SLC6A19: variants seen among roughly 807,000 people sequenced by gnomAD.
The protein encoded by SLC6A19 is sodium-dependent neutral amino acid transporter B(0)AT1.
In SLC6A19, 67 loss-of-function variants were observed where a neutral mutation model predicts 68.3. The ratio of observed to expected loss-of-function variants is 0.98; its 90% CI spans 0.81 to 1.20. The LOEUF (loss-of-function observed/expected upper bound fraction) is 1.20, where lower values mean the gene tolerates loss of function less well. Among genes scored for constraint, SLC6A19 ranks in the 50% most tolerant of loss-of-function variants. The pLI is 0.00. For synonymous variants in SLC6A19, 392 were observed against 374.9 expected (o/e 1.05, Z -0.53); for missense variants, 813 against 851.6 (o/e 0.95, Z 0.56).
chr5:1,222,384 T>G lies in SLC6A19; in HGVS notation c.*480T>G. 1 of 459,808 alleles carries G rather than the reference T, an allele frequency of 2.2e-6. No individual in the cohort carries two copies. Among genetic ancestry groups the G allele is most frequent in the Non-Finnish European group, 3.8e-6 (1 of 262,680 alleles). The allele number at this position is 459,808 out of a possible 1,614,324, so 28.5% of individuals were successfully genotyped here. A position where few individuals can be genotyped will look rare whatever the true frequency, so the allele number is the denominator to read the frequency against. On this transcript the variant is annotated 3_prime_UTR_variant, in exon 12 of 12. Transcript: ENST00000304460. ...TGTGCTCGTACAATGGGTGTCCACA[T>G]GCACGTGTATATGTATATCTGTGAG...
At chr5:1,213,925 A>T (rs759616353) in intron 5 of SLC6A19, 28 bp from the exon 6 acceptor site, 39 of 1,611,356 alleles carry the variant, frequency 2.4e-5, no homozygotes, top group Non-Finnish European at 3.3e-5. Flanking sequence ...CTGCACCATG[A>T]GTGGCTGAGG....
chr5:1,206,585 G>C (rs904148740), intron 1 of SLC6A19, among the ~76,000 whole-genome samples: 1 of 152,164 alleles, frequency 6.6e-6, no homozygotes, highest in Non-Finnish European at 1.5e-5. Context: ...AAGAGATTTG[G>C]TGGGAGAAGG....
At chr5:1,206,066 G>A (rs1745842213) in intron 1 of SLC6A19, among the ~76,000 whole-genome samples, 1 of 152,224 alleles carries the variant, frequency 6.6e-6, no homozygotes, top group African/African-American at 2.4e-5. Flanking sequence ...GGATAGAGGT[G>A]CTGGGCTCCA....
intron 1 of SLC6A19, among the ~76,000 whole-genome samples, chr5:1,207,047 G>A (rs186681627): frequency 2.8e-4 from 43 of 152,330 alleles, no homozygotes; most frequent in African/African-American, 5.1e-4. Flanking sequence ...CTGCTTCCGC[G>A]TCCCCATAGC....
At chr5:1,208,002 T>C (rs970817370) in intron 1 of SLC6A19, among the ~76,000 whole-genome samples, 1 of 152,224 alleles carries the variant, frequency 6.6e-6, no homozygotes, top group Non-Finnish European at 1.5e-5. Context: ...AGCAGAAATG[T>C]CTCAACGTGG....
chr5:1,210,458 C>T lies in SLC6A19; in HGVS notation c.358C>T (p.Leu120Phe), dbSNP rs1263417849. ...CCTCCCTGCAGGCCTGGCCTCCATG[C>T]TCACGTCCTTCATGGTGGGACTGTA... is the stretch of plus-strand genomic sequence containing the variant. ...ALKGLGLASM[L>F]TSFMVGLYYN... is the part of the protein sequence containing the mutation. Residue 120 changes from leucine to phenylalanine, a missense_variant, in exon 3 of 12, where the codon CTC (leucine) becomes TTC (phenylalanine). Coordinates refer to ENST00000304460, the MANE Select transcript of SLC6A19 (RefSeq NM_001003841.3). 1.9e-6 allele frequency: 3 copies of T among 1,613,154 alleles called. No individual in the cohort carries two copies. Among genetic ancestry groups the T allele is most frequent in the African/African-American group, 1.3e-5 (1 of 74,942 alleles).
intron 8 of SLC6A19, among the ~76,000 whole-genome samples, chr5:1,218,588 C>G (rs1047185089): frequency 6.6e-6 from 1 of 152,220 alleles, no homozygotes. Context: ...ACCTTGGGTA[C>G]GTGGCTCAGC....
chr5:1,210,814 G>T (rs191683385), intron 3 of SLC6A19, among the ~76,000 whole-genome samples: 1 of 152,316 alleles, frequency 6.6e-6, no homozygotes, highest in Non-Finnish European at 1.5e-5. Flanking sequence ...AGCCCGGGGG[G>T]GCTGTGCCTG....
rs548582063 is a variant in SLC6A19 at position 1,215,223 on chromosome 5, G to A, written c.887+1158G>A. On this transcript the variant is annotated intron_variant, in intron 6 of 11. Transcript: ENST00000304460. The surrounding 1 kb of genome is among the most constrained non-coding windows in gnomAD (Gnocchi z 5.1). Reference sequence around the variant, plus strand: ...CGTGGAGTGGCTGAGGTGGAACTGAGGGTGAATTATTTTTATAACAGCTTT... The same window carrying A: ...CGTGGAGTGGCTGAGGTGGAACTGAAGGTGAATTATTTTTATAACAGCTTT... 6.6e-6 allele frequency among the ~76,000 whole-genome samples: 1 copy of A among 152,236 alleles called. No individual in the cohort carries two copies. The highest frequency in any genetic ancestry group is 2.1e-4 in the South Asian group (1 of 4,828).
rs113209892 is a variant in SLC6A19 at position 1,223,887 on chromosome 5, C to A, written c.*1983C>A. On this transcript the variant is annotated 3_prime_UTR_variant, in exon 12 of 12. Transcript: ENST00000304460. ...CCAGCAGTGACTGCACACACTGAGT[C>A]CCCTACCAGCCCCTTTCACCCTGCT... 2 of 152,378 alleles carry A rather than the reference C, an allele frequency of 1.3e-5. No homozygotes were observed. The highest frequency in any genetic ancestry group is 4.8e-5 in the African/African-American group (2 of 41,456). 9.4% of individuals were successfully genotyped at this position (152,378 alleles called of 1,614,324 possible).
In SLC6A19 at chr5:1,201,774, A is replaced by T; in HGVS notation, c.124A>T (p.Met42Leu). 6.2e-7 allele frequency: 1 copy of T among 1,612,794 alleles called. No homozygotes were observed. Among genetic ancestry groups the T allele is most frequent in the Non-Finnish European group, 8.5e-7 (1 of 1,179,908 alleles). The change falls in exon 1 of 12, where the codon ATG (methionine) becomes TTG (leucine). Residue 42 changes from methionine to leucine, a missense_variant. Transcript: ENST00000304460. ...GAAGTGGGACAACAAGGCGCAGTAC[A>T]TGCTCACCTGCCTGGGCTTCTGCGT... is the stretch of plus-strand genomic sequence containing the variant. ...RPKWDNKAQY[M>L]LTCLGFCVGL...
chr5:1,219,689 G>A, intron 10 of SLC6A19, 25 bp downstream of exon 10: 2 of 1,601,126 alleles, frequency 1.2e-6, no homozygotes, highest in Non-Finnish European at 1.7e-6. Flanking sequence ...GGGGACAGGT[G>A]CCTCTAATGC....
Position 1,214,206 on chromosome 5 carries a change from C to T in SLC6A19, c.887+141C>T, listed in dbSNP as rs540291596. 120 of 1,482,296 alleles carry T rather than the reference C, an allele frequency of 8.1e-5. No homozygotes were observed. Among genetic ancestry groups the T allele is most frequent in the East Asian group, 2.5e-4 (10 of 40,538 alleles). The allele number at this position is 1,482,296 out of a possible 1,614,324, so 91.8% of individuals were successfully genotyped here. Reference sequence around the variant, plus strand: ...CCCGATGGGCCCGTTCCCTCCTGCTCGGGGTCCATGTGAGCTGAGTCTAGA... The same window carrying T: ...CCCGATGGGCCCGTTCCCTCCTGCTTGGGGTCCATGTGAGCTGAGTCTAGA... On this transcript the variant is annotated intron_variant, in intron 6 of 11. Coordinates refer to ENST00000304460, the MANE Select transcript of SLC6A19 (RefSeq NM_001003841.3). This position sits in a 1 kb window ranked among gnomAD's most constrained non-coding sequence, Gnocchi z 7.4.
At chr5:1,213,004 G>C (rs568323996) in intron 4 of SLC6A19, among the ~76,000 whole-genome samples, 1,197 of 93,352 alleles carry the variant, frequency 0.013, 10 homozygotes, top group African/African-American at 0.051. Context: ...AAATACCCAG[G>C]CTCCCGCAGG....
rs764660807 is a variant in SLC6A19, at chr5:1,221,154, C to A, written c.1542C>A (p.Phe514Leu). ...SVVYVYGVDR[F>L]NKDIEFMIGH... ...CAGCTGTCTCTGGCCTTGGCAGGTT[C>A]AATAAGGACATCGAGTTCATGATCG... Residue 514 changes from phenylalanine (F) to leucine (L), a missense_variant, in exon 11 of 12, where the codon TTC becomes TTA. By Grantham distance (22) the Phe-to-Leu change is conservative. Transcript: ENST00000304460. 1 of 1,613,472 alleles carries A rather than the reference C, an allele frequency of 6.2e-7. No individual in the cohort carries two copies. Among genetic ancestry groups the A allele is most frequent in the Non-Finnish European group, 8.5e-7 (1 of 1,179,794 alleles).
chr5:1,213,835 G>A lies in SLC6A19; in HGVS notation c.775-118G>A, dbSNP rs376756616. The A allele has an allele frequency of 9.8e-4, 1,502 of 1,528,766 alleles. 21 individuals are homozygous for A. In the South Asian group the frequency reaches 0.016, roughly 16 times the overall value. The allele number at this position is 1,528,766 out of a possible 1,614,324, so 94.7% of individuals were successfully genotyped here. A position where few individuals can be genotyped will look rare whatever the true frequency, so the allele number is the denominator to read the frequency against. ...CATAGCTGCCACCCCAGGGGGCCCTGGCCTGTCCTGACCACCCCAATAGCC... is the reference window on the plus strand; with the variant it reads ...CATAGCTGCCACCCCAGGGGGCCCTAGCCTGTCCTGACCACCCCAATAGCC... On this transcript the variant is annotated intron_variant, in intron 5 of 11. Coordinates refer to ENST00000304460, the MANE Select transcript of SLC6A19 (RefSeq NM_001003841.3).
chr5:1,221,080 A>G (rs1157678997), intron 10 of SLC6A19, 71 bp from the exon 11 acceptor site: 3 of 1,563,188 alleles, frequency 1.9e-6, no homozygotes, highest in Admixed American at 3.7e-5. Flanking sequence ...CGGGTAGCAG[A>G]ACGTACAGAA....
Position 1,221,186 on chromosome 5 carries a change from A to G in SLC6A19, c.1574A>G (p.Lys525Arg). ...GACATCGAGTTCATGATCGGCCACA[A>G]GCCCAACATCTTCTGGCAAGTCACG... ...NKDIEFMIGH[K>R]PNIFWQVTWR... The change falls in exon 11 of 12, where the codon AAG (lysine) becomes AGG (arginine). Residue 525 changes from lysine to arginine, a missense_variant. By Grantham distance (26) the Lys-to-Arg change is conservative. Transcript: ENST00000304460. 6.2e-7 allele frequency: 1 copy of G among 1,614,092 alleles called. No homozygotes were observed. Among genetic ancestry groups the G allele is most frequent in the Non-Finnish European group, 8.5e-7 (1 of 1,179,998 alleles).
rs753844063 is a variant in SLC6A19 at position 1,212,479 on chromosome 5, G to A, written c.658G>A (p.Gly220Arg). 70 of 1,606,924 alleles carry A rather than the reference G, an allele frequency of 4.4e-5. No individual in the cohort carries two copies. Among genetic ancestry groups the A allele is most frequent in the Middle Eastern group, 1.7e-4 (1 of 6,004 alleles). Residue 220 changes from glycine (G) to arginine (R), a missense_variant, in exon 4 of 12, where the codon GGG (glycine) becomes AGG (arginine). Gly to Arg is a moderately radical substitution (Grantham distance 125). Coordinates refer to ENST00000304460, the MANE Select transcript of SLC6A19 (RefSeq NM_001003841.3). The surrounding 1 kb of genome is among the most constrained non-coding windows in gnomAD (Gnocchi z 5.1). ...CACCATCCGCGGCATCGAGACCACC[G>A]GGAAGGTACTGCATGGGCCCGGCCA... ...MCTIRGIETT[G>R]KAVYITSTLP...
Sources: allele counts gnomAD v4.1 joint callset (sites outside exome capture counted in the v4.1 genomes callset), GRCh38; gene constraint gnomAD v4.1.1; non-coding constraint Gnocchi (gnomAD v3.1); transcripts MANE v1.5; gene names NCBI Gene and HGNC (gene_info 2026-07-23, HGNC 2026-07-21).